Variants in GPHN observed in about 807,000 individuals in gnomAD.
GPHN encodes gephyrin.
In GPHN, 17 loss-of-function variants were observed where a neutral mutation model predicts 95.5. That is an observed-to-expected ratio of 0.18 (90% confidence interval 0.12 to 0.27). The LOEUF (loss-of-function observed/expected upper bound fraction) is 0.27, where lower values mean the gene tolerates loss of function less well. Among genes scored for constraint, GPHN ranks in the 10% least tolerant of loss-of-function variants. GPHN has a pLI of 1.00. For synonymous variants in GPHN, 320 were observed against 322.5 expected (o/e 0.99, Z 0.08); for missense variants, 660 against 978.1 (o/e 0.67, Z 4.34).
chr14:66,870,792 T>C (rs979942103), intron 4 of GPHN, among the ~76,000 whole-genome samples: 23 of 152,160 alleles, frequency 1.5e-4, no homozygotes, highest in African/African-American at 4.8e-4. Context: ...AAGTATCCAT[T>C]CCTAGTTATG....
chr14:67,397,975 C>T, the GPHN span: 1 of 576,306 alleles, frequency 1.7e-6, no homozygotes, highest in Non-Finnish European at 3.0e-6. Context: ...TGGATCTCTT[C>T]TGAGTACGTA....
intron 17 of GPHN, among the ~76,000 whole-genome samples, chr14:67,125,764 G>A (rs1341941999): frequency 6.7e-6 from 1 of 149,462 alleles, no homozygotes; most frequent in Admixed American, 6.7e-5. Context: ...GTGACAGAGC[G>A]AGACTCTGTC....
At chr14:67,567,807 A>G in the GPHN span, among the ~76,000 whole-genome samples, 5 of 152,290 alleles carry the variant, frequency 3.3e-5, no homozygotes, top group South Asian at 8.3e-4. Flanking sequence ...CCCTGAGCCA[A>G]CAGGGCATTC....
the GPHN span, chr14:67,338,678 C>T: frequency 6.2e-7 from 1 of 1,614,106 alleles, no homozygotes; most frequent in South Asian, 1.1e-5. Context: ...CAGGCTCCAA[C>T]ACCTCTCCAG....
At chr14:67,284,035 A>G in the GPHN span, among the ~76,000 whole-genome samples, 2 of 152,058 alleles carry the variant, frequency 1.3e-5, no homozygotes, top group African/African-American at 4.8e-5. Flanking sequence ...ATGTTACTCA[A>G]TTTTTCTGAG....
At chr14:66,905,243 A>G (rs1303576225) in intron 5 of GPHN, among the ~76,000 whole-genome samples, 2 of 152,022 alleles carry the variant, frequency 1.3e-5, no homozygotes, top group African/African-American at 2.4e-5. Flanking sequence ...TTGAACAAAT[A>G]TATATCTCAG....
At chr14:67,619,766 G>C in the GPHN span, 1 of 524,260 alleles carries the variant, frequency 1.9e-6, no homozygotes, top group Non-Finnish European at 3.4e-6. Context: ...TCGAAGGCAC[G>C]TCCCAGCCTT....
intron 2 of GPHN, among the ~76,000 whole-genome samples, chr14:66,710,439 G>A (rs1460879368): frequency 6.6e-6 from 1 of 152,098 alleles, no homozygotes; most frequent in African/African-American, 2.4e-5. Context: ...CTGTTACCCA[G>A]GTCGTGATAT....
chr14:67,689,305 A>T, the GPHN span, among the ~76,000 whole-genome samples: 10 of 152,328 alleles, frequency 6.6e-5, no homozygotes, highest in South Asian at 1.7e-3. Flanking sequence ...TTGAGCCTGC[A>T]TTCTGCCTGC....
At chr14:67,496,216 C>G in the GPHN span, among the ~76,000 whole-genome samples, 2 of 151,720 alleles carry the variant, frequency 1.3e-5, no homozygotes, top group Non-Finnish European at 2.9e-5. Flanking sequence ...AATTTTGTAT[C>G]TATTTATTTA....
At chr14:67,427,872 C>T in the GPHN span, among the ~76,000 whole-genome samples, 1 of 151,726 alleles carries the variant, frequency 6.6e-6, no homozygotes, top group Non-Finnish European at 1.5e-5. Flanking sequence ...CCAAAAGCCT[C>T]TCGCACACAT....
the GPHN span, among the ~76,000 whole-genome samples, chr14:67,456,109 CAA>C: frequency 6.6e-6 from 1 of 152,076 alleles, no homozygotes; most frequent in Non-Finnish European, 1.5e-5. Context: ...GGAACTTAAA[CAA>C]ATTAACAAAC....
At chr14:67,279,332 A>G in the GPHN span, 2 of 1,613,980 alleles carry the variant, frequency 1.2e-6, no homozygotes, top group African/African-American at 1.3e-5. Flanking sequence ...GTCGAAGTGC[A>G]CAGTTGGAGC....
At chr14:67,349,081 T>C in the GPHN span, 7 of 1,614,174 alleles carry the variant, frequency 4.3e-6, no homozygotes, top group Admixed American at 5.0e-5. Context: ...TTGCGCTTTA[T>C]TGACATTTTG....
chr14:67,637,161 G>C, the GPHN span, among the ~76,000 whole-genome samples: 1 of 152,138 alleles, frequency 6.6e-6, no homozygotes, highest in South Asian at 2.1e-4. Flanking sequence ...TGTAATCCTA[G>C]CGCTTTGGGA....
chr14:67,185,617 A>AT (rs2083364783), downstream of GPHN, among the ~76,000 whole-genome samples: 1 of 152,068 alleles, frequency 6.6e-6, no homozygotes, highest in Non-Finnish European at 1.5e-5. Flanking sequence ...TTTTAACCAG[A>AT]TTTTTTGGTT....
At chr14:67,509,744 T>C in the GPHN span, among the ~76,000 whole-genome samples, 1 of 152,198 alleles carries the variant, frequency 6.6e-6, no homozygotes, top group Non-Finnish European at 1.5e-5. Flanking sequence ...ATGTGGCTTA[T>C]CCCTGTAATC....
chr14:67,429,692 C>T, the GPHN span, among the ~76,000 whole-genome samples: 10 of 151,972 alleles, frequency 6.6e-5, no homozygotes, highest in Non-Finnish European at 1.0e-4. Context: ...GTTGAGATTG[C>T]GCCATTGCAC....
At chr14:67,149,905 A>C (rs1156843707) in intron 18 of GPHN, among the ~76,000 whole-genome samples, 1 of 152,176 alleles carries the variant, frequency 6.6e-6, no homozygotes, top group South Asian at 2.1e-4. Flanking sequence ...ATTCACCTTA[A>C]GAAGTACATA....
Sources: allele counts gnomAD v4.1 joint callset (sites outside exome capture counted in the v4.1 genomes callset), GRCh38; gene constraint gnomAD v4.1.1; transcripts MANE v1.5; gene names NCBI Gene and HGNC (gene_info 2026-07-23, HGNC 2026-07-21).